ZNF713: variants seen among roughly 807,000 people sequenced by gnomAD.
ZNF713 encodes zinc finger protein 713.
In ZNF713, 21 loss-of-function variants were observed where a neutral mutation model predicts 28.7. The observed-to-expected ratio is 0.73, with a 90% confidence interval of 0.52 to 1.05. The LOEUF is 1.05. Among genes scored for constraint, ZNF713 ranks in the 50% least tolerant of loss-of-function variants. ZNF713 has a pLI of 0.00. For missense variants in ZNF713, 458 were observed against 532.4 expected (o/e 0.86, Z 1.37); for synonymous variants, 167 against 178.0 (o/e 0.94, Z 0.49).
At chr7:55,919,814 G>C (rs527858058) in intron 4 of ZNF713, among the ~76,000 whole-genome samples, 1 of 152,048 alleles carries the variant, frequency 6.6e-6, no homozygotes, top group South Asian at 2.1e-4. Flanking sequence ...AACATTACCA[G>C]TATCCCAGAA....
At chr7:55,915,737 G>C (rs1785871517) in intron 4 of ZNF713, among the ~76,000 whole-genome samples, 1 of 152,220 alleles carries the variant, frequency 6.6e-6, no homozygotes, top group African/African-American at 2.4e-5. Flanking sequence ...ATGACTTGAA[G>C]TGAGCTTGGA....
Position 55,940,021 on chromosome 7 carries a change from A to C in ZNF713, c.*15A>C. On this transcript the variant is annotated 3_prime_UTR_variant, in exon 7 of 7. Transcript: ENST00000429591. Reference sequence around the variant, plus strand: ...GCAGCACATAACTTATGGTGGGGGAAATCAGATAAATATATAAATGTAGGA... The same window carrying C: ...GCAGCACATAACTTATGGTGGGGGACATCAGATAAATATATAAATGTAGGA... The C allele has an allele frequency of 1.3e-6, 2 of 1,535,554 alleles. No individual in the cohort carries two copies. Among genetic ancestry groups the C allele is most frequent in the African/African-American group, 2.8e-5 (2 of 72,398 alleles).
chr7:55,890,581 A>G (rs540892343), intron 1 of ZNF713, among the ~76,000 whole-genome samples: 1 of 152,290 alleles, frequency 6.6e-6, no homozygotes, highest in African/African-American at 2.4e-5. Flanking sequence ...ACAACATCAA[A>G]ATGAGTTGAA....
chr7:55,909,735 C>G (rs1785749363), intron 2 of ZNF713, among the ~76,000 whole-genome samples: 1 of 151,982 alleles, frequency 6.6e-6, no homozygotes, highest in Non-Finnish European at 1.5e-5. Context: ...TTGTAATTCT[C>G]CTTATAGAGA....
In ZNF713 at chr7:55,940,269, T is replaced by G; in HGVS notation, c.*263T>G. ...TCCTGAGTAGCTGGGACCACAGGTA[T>G]GCACCACCACGCCCAGCTAATTTTT... On this transcript the variant is annotated 3_prime_UTR_variant, in exon 7 of 7. Coordinates refer to ENST00000429591, the MANE Select transcript of ZNF713 (RefSeq NM_182633.3). 3.8e-6 allele frequency: 2 copies of G among 528,762 alleles called. No homozygotes were observed. Among genetic ancestry groups the G allele is most frequent in the Non-Finnish European group, 5.5e-6 (2 of 365,372 alleles). The allele number at this position is 528,762 out of a possible 1,614,324, so 32.8% of individuals were successfully genotyped here.
intron 5 of ZNF713, 105 bp downstream of exon 5, chr7:55,923,393 G>A: frequency 6.9e-7 from 1 of 1,438,962 alleles, no homozygotes; most frequent in Non-Finnish European, 9.4e-7. Context: ...GGCTGGGATA[G>A]AAGAATGCTA....
chr7:55,919,003 A>G (rs1490584009), intron 4 of ZNF713, among the ~76,000 whole-genome samples: 1 of 144,114 alleles, frequency 6.9e-6, no homozygotes, highest in African/African-American at 2.6e-5. Context: ...CAAAAGAAAG[A>G]AAAAAAAAAA....
chr7:55,907,761 C>T (rs1381394329), intron 2 of ZNF713, among the ~76,000 whole-genome samples: 1 of 152,014 alleles, frequency 6.6e-6, no homozygotes, highest in Non-Finnish European at 1.5e-5. Flanking sequence ...GCCTCCAGCT[C>T]CATCCATGTT....
At chr7:55,925,361 G>A (rs748481559) in intron 6 of ZNF713, among the ~76,000 whole-genome samples, 1 of 152,004 alleles carries the variant, frequency 6.6e-6, no homozygotes, top group Non-Finnish European at 1.5e-5. Flanking sequence ...AGTGGCTTAC[G>A]CCTGTAATCT....
At chr7:55,891,039 C>G (rs972414735) in intron 1 of ZNF713, among the ~76,000 whole-genome samples, 1 of 151,602 alleles carries the variant, frequency 6.6e-6, no homozygotes, top group Admixed American at 6.6e-5. Context: ...GTGCCTACTC[C>G]CACACATGCT....
rs773199985 is a variant in ZNF713, at chr7:55,939,324, A to G, written c.650A>G (p.Lys217Arg). 8.7e-6 allele frequency: 14 copies of G among 1,614,010 alleles called. No individual in the cohort carries two copies. Among genetic ancestry groups the G allele is most frequent in the East Asian group, 2.2e-5 (1 of 44,886 alleles). Residue 217 changes from lysine to arginine, a missense_variant, in exon 7 of 7, where the codon AAA becomes AGA. Coordinates refer to ENST00000429591, the MANE Select transcript of ZNF713 (RefSeq NM_182633.3). ...TCTGACACACAGGGAAACAGCATCAAACATAATTCAGACTTGATTTACTAT... is the reference window on the plus strand; with the variant it reads ...TCTGACACACAGGGAAACAGCATCAGACATAATTCAGACTTGATTTACTAT... ...LNSDTQGNSI[K>R]HNSDLIYYQG... is the part of the protein sequence containing the mutation.
intron 6 of ZNF713, among the ~76,000 whole-genome samples, chr7:55,932,214 A>C (rs796182619): frequency 1.7e-4 from 26 of 151,462 alleles, no homozygotes; most frequent in African/African-American, 6.3e-4. Context: ...TAACTTTTTG[A>C]CTTGGACTTT....
intron 6 of ZNF713, among the ~76,000 whole-genome samples, chr7:55,935,720 G>A (rs1444644384): frequency 1.1e-4 from 16 of 152,096 alleles, no homozygotes; most frequent in Admixed American, 9.8e-4. Context: ...TTGGGAGGCC[G>A]AGGCAGGCGG....
intron 1 of ZNF713, among the ~76,000 whole-genome samples, chr7:55,888,925 C>T (rs1785329586): frequency 6.6e-6 from 1 of 151,870 alleles, no homozygotes; most frequent in African/African-American, 2.4e-5. Flanking sequence ...GTGGTGTGTG[C>T]CTGTAGTCCC....
chr7:55,918,063 C>A (rs1785918593), intron 4 of ZNF713: 1 of 456,532 alleles, frequency 2.2e-6, no homozygotes, highest in Admixed American at 2.4e-5. Context: ...TGTGTGCTCT[C>A]CATTGGATCT....
chr7:55,930,708 G>A (rs1046923197), intron 6 of ZNF713, among the ~76,000 whole-genome samples: 1 of 152,146 alleles, frequency 6.6e-6, no homozygotes, highest in Non-Finnish European at 1.5e-5. Flanking sequence ...GGAGGTTGCA[G>A]TAAGCCGAGA....
At chr7:55,909,957 G>GTA (rs1157927921) in intron 2 of ZNF713, among the ~76,000 whole-genome samples, 1 of 151,234 alleles carries the variant, frequency 6.6e-6, no homozygotes, top group Non-Finnish European at 1.5e-5. Flanking sequence ...ATATGTGTGT[G>GTA]TATATATACG....
chr7:55,934,278 G>A (rs1007219567), intron 6 of ZNF713, among the ~76,000 whole-genome samples: 1 of 151,944 alleles, frequency 6.6e-6, no homozygotes, highest in African/African-American at 2.4e-5. Context: ...ACAAAACTTC[G>A]TGTTCAATTT....
At chr7:55,937,439 G>A (rs796350253) in intron 6 of ZNF713, among the ~76,000 whole-genome samples, 34 of 152,208 alleles carry the variant, frequency 2.2e-4, no homozygotes, top group African/African-American at 4.8e-4. Flanking sequence ...GGGTAGAGTC[G>A]GGGAGCGGCT....
Sources: allele counts gnomAD v4.1 joint callset (sites outside exome capture counted in the v4.1 genomes callset), GRCh38; gene constraint gnomAD v4.1.1; transcripts MANE v1.5; gene names NCBI Gene and HGNC (gene_info 2026-07-23, HGNC 2026-07-21).